GPC6: variants seen among roughly 807,000 people sequenced by gnomAD.
The protein encoded by GPC6 is glypican 6.
In GPC6, 14 loss-of-function variants were observed where a neutral mutation model predicts 55.2. That is an observed-to-expected ratio of 0.25 (90% CI 0.17 to 0.40). The LOEUF is 0.40. Ranked by LOEUF, GPC6 falls within the 10% of genes least tolerant of loss-of-function variation. GPC6 has a pLI of 1.00. For missense variants in GPC6, 641 were observed against 708.5 expected (o/e 0.90, Z 1.08); for synonymous variants, 278 against 259.6 (o/e 1.07, Z -0.68).
intron 1 of GPC6, among the ~76,000 whole-genome samples, chr13:93,366,244 A>T: frequency 6.6e-6 from 1 of 152,226 alleles, no homozygotes; most frequent in African/African-American, 2.4e-5. Flanking sequence ...ACTTTACATA[A>T]ATTGAGAAAT....
At chr13:94,017,956 TAC>T (rs1882538214) in intron 3 of GPC6, among the ~76,000 whole-genome samples, 2 of 152,094 alleles carry the variant, frequency 1.3e-5, no homozygotes, top group South Asian at 4.2e-4. Context: ...CAATTTTCAA[TAC>T]AGTGTTAAAC....
intron 1 of GPC6, among the ~76,000 whole-genome samples, chr13:93,449,342 G>C (rs995702452): frequency 3.9e-5 from 6 of 152,192 alleles, no homozygotes; most frequent in African/African-American, 1.4e-4. Flanking sequence ...AGGCTGTCTA[G>C]AATTAAGGTG....
intron 6 of GPC6, among the ~76,000 whole-genome samples, chr13:94,377,747 G>A (rs1361164278): frequency 4.6e-5 from 7 of 151,992 alleles, no homozygotes; most frequent in East Asian, 3.9e-4. Context: ...ACATGCACAC[G>A]TATGTTTACT....
intron 4 of GPC6, among the ~76,000 whole-genome samples, chr13:94,279,632 C>T (rs9589943): frequency 3.6e-4 from 55 of 151,946 alleles, no homozygotes; most frequent in African/African-American, 1.3e-3. Flanking sequence ...CAGAGATTCT[C>T]GTATGCTGTC....
chr13:93,681,188 G>A (rs1356342150), intron 2 of GPC6, among the ~76,000 whole-genome samples: 2 of 152,070 alleles, frequency 1.3e-5, no homozygotes, highest in African/African-American at 4.8e-5. Flanking sequence ...GGGATATTTA[G>A]CTTTGTTTAT....
At chr13:93,499,864 T>A (rs1355855438) in intron 1 of GPC6, among the ~76,000 whole-genome samples, 2 of 152,218 alleles carry the variant, frequency 1.3e-5, no homozygotes, top group Non-Finnish European at 2.9e-5. Context: ...GTGACTTGAC[T>A]GAGCTTTTAG....
At chr13:94,347,348 G>A (rs966602972) in intron 6 of GPC6, among the ~76,000 whole-genome samples, 4 of 152,190 alleles carry the variant, frequency 2.6e-5, no homozygotes, top group Non-Finnish European at 5.9e-5. Flanking sequence ...TTGTAGGAAA[G>A]ATGATCAAAA....
intron 1 of GPC6, among the ~76,000 whole-genome samples, chr13:93,520,233 C>T (rs1435222263): frequency 2.0e-5 from 3 of 151,778 alleles, no homozygotes; most frequent in East Asian, 1.9e-4. Context: ...GGTGACTGTG[C>T]GAAATTATAG....
intron 2 of GPC6, among the ~76,000 whole-genome samples, chr13:93,722,487 C>T (rs940286740): frequency 1.3e-5 from 2 of 151,790 alleles, no homozygotes; most frequent in South Asian, 2.1e-4. Flanking sequence ...CTTACTAGTG[C>T]CCCCATCCTC....
chr13:93,545,820 A>C (rs1874759085), intron 2 of GPC6, among the ~76,000 whole-genome samples: 1 of 152,176 alleles, frequency 6.6e-6, no homozygotes, highest in African/African-American at 2.4e-5. Context: ...TTGAAGAGGA[A>C]AGGCTTGTTT....
chr13:93,709,583 T>C (rs1346479350), intron 2 of GPC6, among the ~76,000 whole-genome samples: 1 of 151,846 alleles, frequency 6.6e-6, no homozygotes, highest in Non-Finnish European at 1.5e-5. Flanking sequence ...CCTACTGAAA[T>C]TCTGTTGTCA....
chr13:94,231,882 A>C (rs1234501805), intron 4 of GPC6, among the ~76,000 whole-genome samples: 6 of 152,204 alleles, frequency 3.9e-5, no homozygotes, highest in Admixed American at 3.9e-4. Flanking sequence ...CTTCGTTTTA[A>C]TAAAAATTTT....
At chr13:93,825,869 T>C (rs925668864) in intron 2 of GPC6, among the ~76,000 whole-genome samples, 1 of 146,430 alleles carries the variant, frequency 6.8e-6, no homozygotes, top group African/African-American at 2.5e-5. Context: ...TCTTTTTTTT[T>C]TTTTTTTTTT....
chr13:93,997,096 G>A (rs905878624), intron 3 of GPC6, among the ~76,000 whole-genome samples: 22 of 152,120 alleles, frequency 1.4e-4, no homozygotes, highest in Admixed American at 9.8e-4. Flanking sequence ...TCCTACACCC[G>A]TGTTATCCTG....
chr13:93,775,205 A>C (rs1008983261), intron 2 of GPC6, among the ~76,000 whole-genome samples: 2 of 152,064 alleles, frequency 1.3e-5, no homozygotes, highest in Admixed American at 6.6e-5. Context: ...GAGTCTTGCT[A>C]TGTTGCCCAG....
intron 3 of GPC6, among the ~76,000 whole-genome samples, chr13:94,016,235 G>A (rs568865182): frequency 5.5e-4 from 84 of 152,228 alleles, no homozygotes; most frequent in African/African-American, 2.0e-3. Flanking sequence ...TTTTAAAGCT[G>A]AATAATATTC....
chr13:93,507,120 A>G (rs1336263265), intron 1 of GPC6, among the ~76,000 whole-genome samples: 2 of 146,690 alleles, frequency 1.4e-5, no homozygotes, highest in African/African-American at 5.0e-5. Flanking sequence ...TCAGACAAGG[A>G]CTGGTCAACT....
intron 1 of GPC6, among the ~76,000 whole-genome samples, chr13:93,462,997 A>G (rs984042537): frequency 3.9e-5 from 6 of 152,158 alleles, no homozygotes; most frequent in African/African-American, 1.4e-4. Context: ...CAGTTTGTGT[A>G]TGAATCATTT....
intron 7 of GPC6, 81 bp from the exon 8 acceptor site, chr13:94,398,385 A>G: frequency 9.5e-7 from 1 of 1,055,456 alleles, no homozygotes; most frequent in Admixed American, 1.7e-5. Flanking sequence ...AGAGACAGTC[A>G]TCTGGTTTTG....
Sources: allele counts gnomAD v4.1 joint callset (sites outside exome capture counted in the v4.1 genomes callset), GRCh38; gene constraint gnomAD v4.1.1; transcripts MANE v1.5; gene names NCBI Gene and HGNC (gene_info 2026-07-23, HGNC 2026-07-21).